CDC25B: variants seen among roughly 807,000 people sequenced by gnomAD.
CDC25B encodes M-phase inducer phosphatase 2.
In CDC25B, 33 loss-of-function variants were observed where a neutral mutation model predicts 69.8. The observed-to-expected ratio is 0.47, with a 90% CI of 0.36 to 0.63. The LOEUF (loss-of-function observed/expected upper bound fraction) is 0.63, where lower values mean the gene tolerates loss of function less well. CDC25B is among the 30% of genes least tolerant of loss of function. The pLI is 0.00. For synonymous variants in CDC25B, 341 were observed against 314.6 expected (o/e 1.08, Z -0.89); for missense variants, 727 against 809.1 (o/e 0.90, Z 1.23).
At chr20:3,788,454 G>A (rs901215758) in intron 1 of CDC25B, among the ~76,000 whole-genome samples, 4 of 152,210 alleles carry the variant, frequency 2.6e-5, no homozygotes, top group African/African-American at 4.8e-5. Context: ...GTCTAAGTTA[G>A]TTTAGGGAAT....
intron 11 of CDC25B, chr20:3,802,612 C>T: frequency 1.7e-6 from 1 of 600,454 alleles, no homozygotes; most frequent in African/African-American, 1.9e-5. Flanking sequence ...TATTTCCAAG[C>T]TCATACCTAG....
At chr20:3,794,477 C>G (rs146754740), upstream of CDC25B, among the ~76,000 whole-genome samples, 119 of 149,570 alleles carry the variant, frequency 8.0e-4, no homozygotes, top group African/African-American at 2.9e-3. Context: ...GGGGGGGATA[C>G]CTGTTGTGTT....
intron 1 of CDC25B, 57 bp from the exon 2 acceptor site, chr20:3,797,565 A>G (rs1347305113): frequency 8.1e-6 from 13 of 1,601,180 alleles, no homozygotes; most frequent in Non-Finnish European, 1.1e-5. Context: ...TGGGCTAGCC[A>G]GGCCTTGAGC....
upstream of CDC25B, among the ~76,000 whole-genome samples, chr20:3,795,366 A>AAG (rs2089000388): frequency 3.4e-5 from 3 of 87,054 alleles, no homozygotes; most frequent in South Asian, 9.9e-4. Context: ...CCCAAAAAAA[A>AAG]CAAAACAAAA....
chr20:3,787,429 A>G (rs556951391), intron 1 of CDC25B, among the ~76,000 whole-genome samples: 2 of 152,214 alleles, frequency 1.3e-5, no homozygotes, highest in Non-Finnish European at 2.9e-5. Context: ...TTGTAAATCT[A>G]TTTGATGGTG....
intron 3 of CDC25B, 71 bp from the exon 4 acceptor site, chr20:3,800,217 G>GA (rs3833321): frequency 2.0e-6 from 3 of 1,478,120 alleles, no homozygotes; most frequent in East Asian, 2.3e-5. Context: ...CCCTGGACTG[G>GA]GGGCCTGGTG....
At chr20:3,792,040 A>C (rs915304030), upstream of CDC25B, among the ~76,000 whole-genome samples, 3 of 151,894 alleles carry the variant, frequency 2.0e-5, no homozygotes, top group African/African-American at 7.3e-5. Context: ...CAGACTCCCA[A>C]GTAGCTGGGA....
At chr20:3,801,197 G>A (rs1157199729) in intron 7 of CDC25B, 57 bp from the exon 8 acceptor site, 3 of 1,603,640 alleles carry the variant, frequency 1.9e-6, no homozygotes, top group African/African-American at 2.7e-5. Context: ...TCCTCAGGAG[G>A]ATGGGGGCGG....
chr20:3,803,884 A>G lies in CDC25B; in HGVS notation c.1490+347A>G, dbSNP rs1399418123. ...CCATGTTCAGTGCTGTTAGGTCTCC[A>G]TTAGAACCTCTTCCATTGGCATCCA... On this transcript the variant is annotated intron_variant, in intron 14 of 15. Transcript: ENST00000245960. The surrounding 1 kb of genome is among the most constrained non-coding windows in gnomAD (Gnocchi z 4.9). Among the ~76,000 whole-genome samples, 3 of 152,160 alleles carry G rather than the reference A, an allele frequency of 2.0e-5. No homozygotes were observed. The highest frequency in any genetic ancestry group is 4.4e-5 in the Non-Finnish European group (3 of 68,020).
At chr20:3,789,609 G>C (rs1197785687) in intron 1 of CDC25B, among the ~76,000 whole-genome samples, 1 of 152,106 alleles carries the variant, frequency 6.6e-6, no homozygotes, top group African/African-American at 2.4e-5. Flanking sequence ...GACCTCAAGT[G>C]ATCTGCCTAC....
chr20:3,795,254 G>C (rs1385902571), upstream of CDC25B, among the ~76,000 whole-genome samples: 1 of 152,022 alleles, frequency 6.6e-6, no homozygotes, highest in Non-Finnish European at 1.5e-5. Context: ...TCAGCTACTC[G>C]GGAGGCTGAG....
chr20:3,799,523 T>TGCGCGC (rs879400925), intron 3 of CDC25B, among the ~76,000 whole-genome samples: 9 of 56,942 alleles, frequency 1.6e-4, no homozygotes, highest in Admixed American at 4.8e-4. Context: ...TGTGTGTGTG[T>TGCGCGC]GTGCGCGCGC....
Position 3,804,958 on chromosome 20 carries a change from G to T in CDC25B, c.1740G>T (p.Gln580His). 1 of 1,611,894 alleles carries T rather than the reference G, an allele frequency of 6.2e-7. No individual in the cohort carries two copies. The highest frequency in any genetic ancestry group is 1.1e-5 in the South Asian group (1 of 91,072). The part of the protein sequence containing the change: ...RRELCSRLQD[Q>H] ...AGCTCTGTAGCCGGCTGCAGGACCA[G>T]TGAGGGGCCTGCGCCAGTCCTGCTA... Residue 580 changes from glutamine to histidine, a missense_variant, in exon 16 of 16, where the codon CAG (glutamine) becomes CAT (histidine). Coordinates refer to ENST00000245960, the MANE Select transcript of CDC25B (RefSeq NM_021873.4).
chr20:3,801,333 A>G lies in CDC25B; in HGVS notation c.785A>G (p.Glu262Gly), dbSNP rs1365603747. 2 of 1,613,956 alleles carry G rather than the reference A, an allele frequency of 1.2e-6. No individual in the cohort carries two copies. Among genetic ancestry groups the G allele is most frequent in the Non-Finnish European group, 1.7e-6 (2 of 1,179,984 alleles). Residue 262 changes from glutamate (E) to glycine (G), a missense_variant, in exon 8 of 16, where the codon GAG becomes GGG. Glu to Gly is a moderately conservative substitution (Grantham distance 98). Transcript: ENST00000245960. ...ALGRFSLTPA[E>G]GDTEEDDGFV... ...GGTCGCTTCTCTCTGACCCCTGCAGAGGGGGATACTGAGGAAGATGATGGA... is the reference window on the plus strand; with the variant it reads ...GGTCGCTTCTCTCTGACCCCTGCAGGGGGGGATACTGAGGAAGATGATGGA...
rs150900008 is a variant in CDC25B, at chr20:3,803,815, G to A, written c.1490+278G>A. On this transcript the variant is annotated intron_variant, in intron 14 of 15. Transcript: ENST00000245960. This position sits in a 1 kb window ranked among gnomAD's most constrained non-coding sequence, Gnocchi z 4.9. The stretch of plus-strand genomic sequence containing the variant: ...CAAGTCTCTAGCGGTGTCTTTTCTC[G>A]AAATCTAAGGGCCGCGTGTCAGTCC... 4.6e-5 allele frequency among the ~76,000 whole-genome samples: 7 copies of A among 152,226 alleles called. No individual in the cohort carries two copies. The highest frequency in any genetic ancestry group is 1.9e-4 in the East Asian group (1 of 5,186).
chr20:3,796,008 T>G, upstream of CDC25B: 4 of 990,432 alleles, frequency 4.0e-6, no homozygotes, highest in Non-Finnish European at 4.8e-6. Flanking sequence ...CGGGGGGTCC[T>G]GCGGAGGCCA....
chr20:3,802,251 AC>A (rs754770947), intron 10 of CDC25B, 29 bp from the exon 11 acceptor site: 21 of 1,590,298 alleles, frequency 1.3e-5, no homozygotes, highest in Admixed American at 1.7e-5. Context: ...CCCCACCCTG[AC>A]CCTGGCCTCC....
At chr20:3,798,578 C>A in intron 3 of CDC25B, 115 bp downstream of exon 3, 1 of 703,704 alleles carries the variant, frequency 1.4e-6, no homozygotes, top group Non-Finnish European at 2.3e-6. Flanking sequence ...CATGGGGTGG[C>A]TTCAGGATCC....
rs554728444 is a variant in CDC25B, at chr20:3,789,711, T to C, written c.8+2572T>C. ...ATAATAAAAATAAAGAGAACAACAT[T>C]GGGCGCGGTGGCTCATGCCTGTAAT... On this transcript the variant is annotated intron_variant, in intron 1 of 15. Coordinates refer to the CDC25B transcript ENST00000344256. Among the ~76,000 whole-genome samples, 4 of 151,686 alleles carry C rather than the reference T, an allele frequency of 2.6e-5. No individual in the cohort carries two copies. The South Asian group carries it at 6.3e-4, about 24-fold the overall frequency.
Sources: allele counts gnomAD v4.1 joint callset (sites outside exome capture counted in the v4.1 genomes callset), GRCh38; gene constraint gnomAD v4.1.1; non-coding constraint Gnocchi (gnomAD v3.1); transcripts MANE v1.5; gene names NCBI Gene and HGNC (gene_info 2026-07-23, HGNC 2026-07-21).